Variants in GLIS3 observed in about 807,000 individuals in gnomAD.
GLIS3 encodes zinc finger protein GLIS3.
Under a neutral mutation model 78.6 loss-of-function variants are expected in GLIS3, and 53 were observed. The ratio of observed to expected loss-of-function variants is 0.67; its 90% CI spans 0.54 to 0.85. GLIS3 has a LOEUF of 0.85. Ranked by LOEUF, GLIS3 falls within the 40% of genes least tolerant of loss-of-function variation. The probability of loss-of-function intolerance (pLI) is 0.00; values close to 1 mark genes in which losing one functional copy is unlikely to be tolerated. For synonymous variants in GLIS3, 684 were observed against 509.9 expected (o/e 1.34, Z -4.60); for missense variants, 1,703 against 1,231.1 (o/e 1.38, Z -5.74).
chr9:4,327,790 C>T (rs1038425931), intron 2 of GLIS3, among the ~76,000 whole-genome samples: 36 of 152,294 alleles, frequency 2.4e-4, no homozygotes, highest in African/African-American at 8.4e-4. Flanking sequence ...AGAAGTGTCT[C>T]CCTGGACCTG....
At chr9:4,281,431 A>G (rs1827539598) in intron 2 of GLIS3, among the ~76,000 whole-genome samples, 1 of 152,116 alleles carries the variant, frequency 6.6e-6, no homozygotes, top group Non-Finnish European at 1.5e-5. Context: ...ATCAAACACT[A>G]ACTCCTCATG....
At chr9:4,134,192 A>G (rs1217994175) in intron 2 of GLIS3, among the ~76,000 whole-genome samples, 2 of 152,126 alleles carry the variant, frequency 1.3e-5, no homozygotes, top group African/African-American at 2.4e-5. Context: ...AAATTCAACT[A>G]CAATTGAAGT....
chr9:4,217,741 C>G (rs1820982197), intron 2 of GLIS3, among the ~76,000 whole-genome samples: 1 of 152,166 alleles, frequency 6.6e-6, no homozygotes, highest in Non-Finnish European at 1.5e-5. Context: ...AAGCCGTGAG[C>G]AAAAATAACT....
intron 2 of GLIS3, among the ~76,000 whole-genome samples, chr9:4,205,106 G>A (rs1006189677): frequency 8.0e-5 from 12 of 150,916 alleles, no homozygotes; most frequent in Admixed American, 6.6e-5. Flanking sequence ...AACCCAGGAG[G>A]TGCAGAATGC....
chr9:4,296,073 A>AATCACAGAAACACAGAAAATG (rs1423761738), intron 1 of GLIS3, among the ~76,000 whole-genome samples: 1 of 152,204 alleles, frequency 6.6e-6, no homozygotes, highest in Non-Finnish European at 1.5e-5. Flanking sequence ...TACAGAAAAT[A>AATCACAGAAACACAGAAAATG]ATCACAGAAA....
intron 4 of GLIS3, among the ~76,000 whole-genome samples, chr9:3,995,636 C>T (rs969560803): frequency 6.6e-6 from 1 of 151,846 alleles, no homozygotes. Flanking sequence ...AAATCTACTT[C>T]TAAAAATTAA....
chr9:3,899,206 A>G (rs188816197), intron 6 of GLIS3, among the ~76,000 whole-genome samples: 1 of 152,344 alleles, frequency 6.6e-6, no homozygotes. Flanking sequence ...TGCTTTTAAA[A>G]TAGAAACACT....
intron 6 of GLIS3, among the ~76,000 whole-genome samples, chr9:3,924,920 A>G (rs2130746287): frequency 6.6e-6 from 1 of 152,346 alleles, no homozygotes; most frequent in African/African-American, 2.4e-5. Flanking sequence ...TCAGTCAATC[A>G]GAAAAACAAT....
intron 2 of GLIS3, among the ~76,000 whole-genome samples, chr9:4,155,759 G>C (rs755465212): frequency 6.6e-6 from 1 of 152,114 alleles, no homozygotes; most frequent in Non-Finnish European, 1.5e-5. Flanking sequence ...TACAAGCATA[G>C]ATTGCTAGGC....
At chr9:4,358,158 GTA>G in the GLIS3 span, among the ~76,000 whole-genome samples, 1 of 152,006 alleles carries the variant, frequency 6.6e-6, no homozygotes, top group South Asian at 2.1e-4. Context: ...GTGTATGTGT[GTA>G]TATATGCAAA....
chr9:4,175,564 T>A (rs1284388451), intron 2 of GLIS3, among the ~76,000 whole-genome samples: 1 of 152,188 alleles, frequency 6.6e-6, no homozygotes, highest in Non-Finnish European at 1.5e-5. Flanking sequence ...TCACAGACCC[T>A]GAAAATCAGA....
At chr9:4,375,594 T>C in the GLIS3 span, among the ~76,000 whole-genome samples, 8 of 152,170 alleles carry the variant, frequency 5.3e-5, no homozygotes, top group African/African-American at 1.7e-4. Context: ...CTTTATAATG[T>C]GTAAGGATGT....
the GLIS3 span, among the ~76,000 whole-genome samples, chr9:4,484,047 A>G: frequency 1.3e-5 from 2 of 152,160 alleles, no homozygotes; most frequent in Non-Finnish European, 1.5e-5. Context: ...TGTTGTTGTT[A>G]TTACCAGCTA....
At chr9:4,129,678 G>A (rs1363204332) in intron 2 of GLIS3, among the ~76,000 whole-genome samples, 1 of 152,122 alleles carries the variant, frequency 6.6e-6, no homozygotes, top group African/African-American at 2.4e-5. Context: ...AGAACCATGA[G>A]CCAATTAAAT....
chr9:4,114,377 C>CTTCATGT (rs1831464791), intron 4 of GLIS3, among the ~76,000 whole-genome samples: 1 of 152,128 alleles, frequency 6.6e-6, no homozygotes, highest in Admixed American at 6.5e-5. Context: ...TGGGTTTATA[C>CTTCATGT]TTCATGTTGT....
chr9:4,425,745 C>T, the GLIS3 span, among the ~76,000 whole-genome samples: 6 of 152,310 alleles, frequency 3.9e-5, no homozygotes, highest in Admixed American at 6.5e-5. Context: ...ACCACCTGCT[C>T]GGGACTGCCC....
At chr9:4,404,382 A>G in the GLIS3 span, among the ~76,000 whole-genome samples, 2 of 152,310 alleles carry the variant, frequency 1.3e-5, no homozygotes, top group South Asian at 4.2e-4. Flanking sequence ...CCTAATGAGT[A>G]GTCACAAAAC....
intron 4 of GLIS3, among the ~76,000 whole-genome samples, chr9:4,045,883 T>C (rs1351800709): frequency 6.6e-6 from 1 of 152,164 alleles, no homozygotes; most frequent in Non-Finnish European, 1.5e-5. Flanking sequence ...CAAATGTCAT[T>C]CATACTTTTA....
At chr9:4,262,385 A>G (rs1825612245) in intron 2 of GLIS3, among the ~76,000 whole-genome samples, 1 of 152,126 alleles carries the variant, frequency 6.6e-6, no homozygotes, top group African/African-American at 2.4e-5. Flanking sequence ...GGAAGGATGC[A>G]GGGCAGCAAA....
Sources: allele counts gnomAD v4.1 joint callset (sites outside exome capture counted in the v4.1 genomes callset), GRCh38; gene constraint gnomAD v4.1.1; transcripts MANE v1.5; gene names NCBI Gene and HGNC (gene_info 2026-07-23, HGNC 2026-07-21).